The following TPM3 variants were observed in gnomAD, a reference collection of about 807,000 sequenced individuals.
TPM3 encodes the protein tropomyosin 3.
A neutral mutation model predicts 43.1 loss-of-function variants in TPM3; 16 were observed. The ratio of observed to expected loss-of-function variants is 0.37; its 90% CI spans 0.25 to 0.56. The LOEUF (loss-of-function observed/expected upper bound fraction) is 0.56, where lower values mean the gene tolerates loss of function less well. Ranked by LOEUF, TPM3 falls within the 20% of genes least tolerant of loss-of-function variation. The pLI, the probability that TPM3 is intolerant of heterozygous loss-of-function variation, is 0.77. For missense variants in TPM3, 176 were observed against 337.2 expected (o/e 0.52, Z 3.74); for synonymous variants, 101 against 116.9 (o/e 0.86, Z 0.88).
At position 154,174,107 on chromosome 1, in the gene TPM3, CAGAT is replaced by C. The variant is rs1316282499; in HGVS notation, c.378-910_378-907del. 2.0e-5 allele frequency among the ~76,000 whole-genome samples: 3 copies of C among 151,380 alleles called. No individual in the cohort carries two copies. In the East Asian group the frequency reaches 5.9e-4, roughly 30 times the overall value. On this transcript the variant is annotated intron_variant, in intron 3 of 9. Coordinates refer to ENST00000651641, the MANE Select transcript of TPM3 (RefSeq NM_152263.4). ...CAGCACTTTGGGAGGCCGAAGCCGG[CAGAT>C]CACCTGAGGTCAGGAGTTTGAGACC...
chr1:154,159,101 G>C (rs1021272011), downstream of TPM3: 3 of 776,950 alleles, frequency 3.9e-6, no homozygotes, highest in Non-Finnish European at 7.2e-6. Flanking sequence ...GGAAAAAGAG[G>C]AGGAGAAAGA....
rs1558068514 is a variant in TPM3 at position 154,191,254 on chromosome 1, C to A, written c.175G>T (p.Asp59Tyr). The change falls in exon 2 of 10, where the codon GAC becomes TAC. Residue 59 changes from aspartate (D) to tyrosine (Y), a missense_variant. By Grantham distance (160) the Asp-to-Tyr change is radical (BLOSUM62 -3). Around this residue, in one of 4 missense-constraint regions of TPM3, gnomAD observed 82 missense variants for 148.8 expected, o/e 0.55. Transcript: ENST00000651641. Reference sequence around the variant, plus strand: ...TCCTTCAAAGCTTCAGAATACTTGTCCAGCTCATCCTCTGTCCCTTTCAGC... The same window carrying A: ...TCCTTCAAAGCTTCAGAATACTTGTACAGCTCATCCTCTGTCCCTTTCAGC... ...KKLKGTEDEL[D>Y]KYSEALKDAQ... is the part of the protein sequence containing the mutation. 1 of 1,614,182 alleles carries A rather than the reference C, an allele frequency of 6.2e-7. No homozygotes were observed. The highest frequency in any genetic ancestry group is 8.5e-7 in the Non-Finnish European group (1 of 1,180,040).
In TPM3 at chr1:154,170,317, G is replaced by A. The variant is rs1661425009; in HGVS notation, c.775+83C>T. ...TGCCAAGTCACTACCAACTTCCTTTGGTGTACAGAAAAAGAGATTAATGGT... is the reference window on the plus strand; with the variant it reads ...TGCCAAGTCACTACCAACTTCCTTTAGTGTACAGAAAAAGAGATTAATGGT... On this transcript the variant is annotated intron_variant, in intron 8 of 9. Coordinates refer to ENST00000651641, the MANE Select transcript of TPM3 (RefSeq NM_152263.4). 4.8e-6 allele frequency: 7 copies of A among 1,469,468 alleles called. No individual in the cohort carries two copies. In the South Asian group the frequency reaches 6.8e-5, roughly 14 times the overall value. The allele number at this position is 1,469,468 out of a possible 1,614,324, so 91.0% of individuals were successfully genotyped here.
chr1:154,169,486 G>A, intron 8 of TPM3, 103 bp from the exon 9 acceptor site: 1 of 1,193,510 alleles, frequency 8.4e-7, no homozygotes, highest in Non-Finnish European at 1.2e-6. Flanking sequence ...AAGTGTGACT[G>A]TGGGTCTAAT....
chr1:154,179,989 TA>T (rs1028867415), intron 2 of TPM3, among the ~76,000 whole-genome samples: 24 of 152,120 alleles, frequency 1.6e-4, no homozygotes, highest in African/African-American at 5.6e-4. Flanking sequence ...TGGTAAATTT[TA>T]CATGTATTTT....
chr1:154,183,259 C>T, intron 2 of TPM3: 4 of 1,521,598 alleles, frequency 2.6e-6, no homozygotes, highest in Non-Finnish European at 3.5e-6. Flanking sequence ...CGTCCCTCTG[C>T]CGCGCCCTCC....
rs893449494 is a variant in TPM3 at position 154,169,357 on chromosome 1, A to C, written c.802T>G (p.Tyr268Asp). 6.2e-7 allele frequency: 1 copy of C among 1,614,076 alleles called. No homozygotes were observed. Among genetic ancestry groups the C allele is most frequent in the African/African-American group, 1.3e-5 (1 of 74,922 alleles). The change falls in exon 9 of 10, where the codon TAC becomes GAC. Residue 268 changes from tyrosine (Y) to aspartate (D), a missense_variant. By Grantham distance (160) the Tyr-to-Asp change is radical. Around this residue, in one of 4 missense-constraint regions of TPM3, gnomAD observed 53 missense variants for 98.3 expected, o/e 0.54. Coordinates refer to ENST00000651641, the MANE Select transcript of TPM3 (RefSeq NM_152263.4). ...TCCAGCTCCTCGCTAATGGCCTTGTACTTCAGTTTCTGGGCATAGAGCTCA... is the reference window on the plus strand; with the variant it reads ...TCCAGCTCCTCGCTAATGGCCTTGTCCTTCAGTTTCTGGGCATAGAGCTCA... The part of the protein sequence containing the change: ...EDELYAQKLK[Y>D]KAISEELDHA...
intron 2 of TPM3, among the ~76,000 whole-genome samples, chr1:154,179,814 G>A (rs1044850370): frequency 1.4e-4 from 21 of 152,084 alleles, no homozygotes; most frequent in East Asian, 1.9e-4. Flanking sequence ...AGATCCACCC[G>A]CCTAGGCCTC....
rs1177022060 is a variant in TPM3 at position 154,167,430 on chromosome 1, T to C, written c.*507A>G. 5 of 1,069,360 alleles carry C rather than the reference T, an allele frequency of 4.7e-6. No homozygotes were observed. In the African/African-American group the frequency reaches 4.9e-5, roughly 11 times the overall value. The allele number at this position is 1,069,360 out of a possible 1,614,324, so 66.2% of individuals were successfully genotyped here. ...CAATGACACCACACCAAAGGAGGAA[T>C]ACCTGAAGAGAGAATGGAAACACTG... On this transcript the variant is annotated 3_prime_UTR_variant, in exon 10 of 10. Coordinates refer to ENST00000651641, the MANE Select transcript of TPM3 (RefSeq NM_152263.4).
chr1:154,180,732 A>G (rs188509964), intron 2 of TPM3, among the ~76,000 whole-genome samples: 2 of 152,122 alleles, frequency 1.3e-5, no homozygotes, highest in South Asian at 2.1e-4. Flanking sequence ...ACATGGTGAA[A>G]CCCCATCTCT....
At chr1:154,178,258 G>C in intron 2 of TPM3, 1 of 904,446 alleles carries the variant, frequency 1.1e-6, no homozygotes, top group Non-Finnish European at 1.3e-6. Context: ...CAGCAAGCTG[G>C]CTCAGGCAGT....
chr1:154,189,798 C>CAAAAAA (rs1167349462), intron 2 of TPM3, among the ~76,000 whole-genome samples: 2 of 43,834 alleles, frequency 4.6e-5, no homozygotes. Flanking sequence ...AACCCTGTCT[C>CAAAAAA]AAAAAAAAAA....
At chr1:154,184,821 G>A (rs1270183378) in intron 2 of TPM3, among the ~76,000 whole-genome samples, 1 of 152,018 alleles carries the variant, frequency 6.6e-6, no homozygotes, top group African/African-American at 2.4e-5. Flanking sequence ...GGCTGAGGTG[G>A]GAAGATTTCT....
Position 154,163,156 on chromosome 1 carries a change from C to G in TPM3, c.*4781G>C, listed in dbSNP as rs551961601. Among the ~76,000 whole-genome samples the G allele has an allele frequency of 6.6e-6, 1 of 152,292 alleles. No individual in the cohort carries two copies. The highest frequency in any genetic ancestry group is 2.1e-4 in the South Asian group (1 of 4,824). Reference sequence around the variant, plus strand: ...TCTTTCTTCATGTCAAAGCCAACTTCTGCCCAGGATCTGAATATTTAGAAA... The same window carrying G: ...TCTTTCTTCATGTCAAAGCCAACTTGTGCCCAGGATCTGAATATTTAGAAA... On this transcript the variant is annotated 3_prime_UTR_variant, in exon 10 of 10. Transcript: ENST00000651641.
intron 2 of TPM3, 115 bp downstream of exon 2, chr1:154,191,071 G>A (rs1036822638): frequency 1.3e-6 from 2 of 1,505,840 alleles, no homozygotes; most frequent in Non-Finnish European, 9.2e-7. Flanking sequence ...AAATGTATGT[G>A]AGTATATATG....
chr1:154,187,587 A>T (rs1663463103), intron 2 of TPM3: 1 of 779,640 alleles, frequency 1.3e-6, no homozygotes, highest in Admixed American at 6.3e-5. Flanking sequence ...GAGGGGTGCT[A>T]TGTGTGTGTA....
chr1:154,174,407 T>TATATATATATATATATACACACAC (rs1261318136), intron 3 of TPM3, among the ~76,000 whole-genome samples: 5 of 72,672 alleles, frequency 6.9e-5, no homozygotes, highest in African/African-American at 2.5e-4. Context: ...TATATATATA[T>TATATATATATATATATACACACAC]ACACACAAAA....
At chr1:154,181,106 A>G (rs1457559356) in intron 2 of TPM3, among the ~76,000 whole-genome samples, 1 of 152,178 alleles carries the variant, frequency 6.6e-6, no homozygotes, top group Non-Finnish European at 1.5e-5. Flanking sequence ...CACTGGCCAT[A>G]AAGAGTCACC....
chr1:154,176,087 C>A (rs368307918), intron 3 of TPM3, 28 bp downstream of exon 3: 11 of 1,612,410 alleles, frequency 6.8e-6, no homozygotes, highest in Non-Finnish European at 9.3e-6. Flanking sequence ...CTTTTAAAAT[C>A]CACACTCCAT....
Sources: gnomAD v4.1 joint callset for allele counts (sites outside exome capture counted in the v4.1 genomes callset) on GRCh38, gnomAD v4.1.1 for gene constraint, gnomAD v4.1.1 regional missense constraint, MANE v1.5 for transcripts, NCBI Gene and HGNC (gene_info 2026-07-23, HGNC 2026-07-21) for gene names.